TBC1D5: variants seen among roughly 807,000 people sequenced by gnomAD.
The protein encoded by TBC1D5 is TBC1 domain family, member 5.
Under a neutral mutation model 100.3 loss-of-function variants are expected in TBC1D5, and 75 were observed. The ratio of observed to expected loss-of-function variants is 0.75; its 90% CI spans 0.62 to 0.91. The LOEUF (loss-of-function observed/expected upper bound fraction) is 0.91. Ranked by LOEUF, TBC1D5 falls within the 40% of genes least tolerant of loss-of-function variation. The pLI is 0.00. For missense variants in TBC1D5, 910 were observed against 942.4 expected (o/e 0.97, Z 0.45); for synonymous variants, 323 against 325.6 (o/e 0.99, Z 0.09).
At chr3:17,291,753 C>A (rs1681151081) in intron 15 of TBC1D5, 142 bp downstream of exon 15, 4 of 702,160 alleles carry the variant, frequency 5.7e-6, no homozygotes, top group Non-Finnish European at 9.1e-6. Flanking sequence ...TGGGTTTTGG[C>A]CTACAACTTT....
At chr3:17,221,393 T>C (rs2074268609) in intron 17 of TBC1D5, among the ~76,000 whole-genome samples, 1 of 152,256 alleles carries the variant, frequency 6.6e-6, no homozygotes, top group East Asian at 1.9e-4. Context: ...CATTAACTCG[T>C]CATTTAGCAT....
At chr3:17,241,557 G>T (rs963361864) in intron 16 of TBC1D5, among the ~76,000 whole-genome samples, 5 of 152,120 alleles carry the variant, frequency 3.3e-5, no homozygotes, top group African/African-American at 7.2e-5. Flanking sequence ...TTAAAATTCT[G>T]CCAGGAACTT....
chr3:17,202,004 C>G (rs1220040448), intron 18 of TBC1D5, among the ~76,000 whole-genome samples: 1 of 152,104 alleles, frequency 6.6e-6, no homozygotes, highest in African/African-American at 2.4e-5. Context: ...GAGGTTGGAA[C>G]AGTTTGGAGA....
chr3:17,484,456 GT>G (rs1353459404), intron 3 of TBC1D5, among the ~76,000 whole-genome samples: 15 of 39,234 alleles, frequency 3.8e-4, no homozygotes, highest in African/African-American at 1.2e-3. Flanking sequence ...TAACACCAGG[GT>G]GTGTGTGTGT....
At chr3:17,187,101 A>C (rs975980594) in intron 18 of TBC1D5, among the ~76,000 whole-genome samples, 7 of 152,328 alleles carry the variant, frequency 4.6e-5, no homozygotes, top group African/African-American at 1.4e-4. Context: ...TAGAGAAAGA[A>C]GGCTACATCT....
intron 1 of TBC1D5, among the ~76,000 whole-genome samples, chr3:17,659,255 T>C (rs948098855): frequency 6.6e-6 from 1 of 152,174 alleles, no homozygotes; most frequent in Non-Finnish European, 1.5e-5. Flanking sequence ...TGTGCTCACA[T>C]GGAGCTAAAT....
exon 14 of TBC1D5, chr3:17,308,014 C>T (rs1013731281): frequency 1.2e-6 from 2 of 1,603,904 alleles, no homozygotes; most frequent in Non-Finnish European, 1.7e-6. Context: ...TGTAAAGTAA[C>T]ATGGCTACGA....
At chr3:17,438,580 T>C (rs1334976855) in intron 3 of TBC1D5, among the ~76,000 whole-genome samples, 1 of 152,216 alleles carries the variant, frequency 6.6e-6, no homozygotes, top group African/African-American at 2.4e-5. Context: ...TCCACCATAA[T>C]TGTAAGTTTC....
intron 3 of TBC1D5, among the ~76,000 whole-genome samples, chr3:17,466,113 G>C (rs1165130629): frequency 6.6e-6 from 1 of 152,196 alleles, no homozygotes; most frequent in Non-Finnish European, 1.5e-5. Flanking sequence ...ACTTACTCAG[G>C]AACGTAGACT....
At chr3:17,712,204 G>A (rs527273423) in intron 1 of TBC1D5, among the ~76,000 whole-genome samples, 40 of 151,958 alleles carry the variant, frequency 2.6e-4, no homozygotes, top group Middle Eastern at 3.4e-3. Flanking sequence ...AAGGTTTTCT[G>A]GGTACCAATA....
At chr3:17,282,105 A>C (rs1245596895) in intron 15 of TBC1D5, among the ~76,000 whole-genome samples, 5 of 152,208 alleles carry the variant, frequency 3.3e-5, no homozygotes, top group Non-Finnish European at 5.9e-5. Flanking sequence ...TTATAGGCTA[A>C]TTAAGGCCTT....
At chr3:17,458,956 T>C (rs547029578) in intron 3 of TBC1D5, among the ~76,000 whole-genome samples, 1 of 152,318 alleles carries the variant, frequency 6.6e-6, no homozygotes, top group Non-Finnish European at 1.5e-5. Context: ...AACTAACGCG[T>C]AGCCATACAA....
chr3:17,394,761 A>G (rs1231853197), intron 8 of TBC1D5, among the ~76,000 whole-genome samples: 1 of 152,028 alleles, frequency 6.6e-6, no homozygotes, highest in Non-Finnish European at 1.5e-5. Flanking sequence ...TACAAACCTT[A>G]CAAACAACCA....
chr3:17,533,074 G>GACACACACAC (rs9310518), intron 2 of TBC1D5, among the ~76,000 whole-genome samples: 2 of 144,960 alleles, frequency 1.4e-5, no homozygotes, highest in African/African-American at 5.0e-5. Context: ...CACATACACA[G>GACACACACAC]ACACACACAC....
intron 19 of TBC1D5, among the ~76,000 whole-genome samples, chr3:17,169,285 A>G (rs868692863): frequency 1.3e-5 from 2 of 152,254 alleles, no homozygotes; most frequent in African/African-American, 2.4e-5. Flanking sequence ...CAGGTACACA[A>G]TAAGTATTTA....
intron 1 of TBC1D5, among the ~76,000 whole-genome samples, chr3:17,692,034 T>C (rs774000995): frequency 5.9e-5 from 9 of 152,202 alleles, no homozygotes; most frequent in African/African-American, 9.7e-5. Context: ...ACAGTAAGAA[T>C]GTTTTAAGCA....
At chr3:17,713,678 T>G in intron 1 of TBC1D5, among the ~76,000 whole-genome samples, 1 of 150,604 alleles carries the variant, frequency 6.6e-6, no homozygotes, top group Non-Finnish European at 1.5e-5. Context: ...CTCTTAAAAT[T>G]CAATGATAGA....
chr3:17,326,746 T>C (rs1384053353), intron 13 of TBC1D5, among the ~76,000 whole-genome samples: 2 of 152,344 alleles, frequency 1.3e-5, no homozygotes, highest in East Asian at 3.9e-4. Flanking sequence ...AGTCCTGAGA[T>C]TGCTGGCATG....
chr3:17,504,497 G>C (rs934704535), intron 3 of TBC1D5, among the ~76,000 whole-genome samples: 1 of 152,094 alleles, frequency 6.6e-6, no homozygotes, highest in African/African-American at 2.4e-5. Flanking sequence ...TGAATGCTCT[G>C]AATGAATCAA....
Sources: allele counts gnomAD v4.1 joint callset (sites outside exome capture counted in the v4.1 genomes callset), GRCh38; gene constraint gnomAD v4.1.1; transcripts MANE v1.5; gene names NCBI Gene and HGNC (gene_info 2026-07-23, HGNC 2026-07-21).